Variants in ADAMTS17 observed in about 807,000 individuals in gnomAD.
ADAMTS17 encodes the protein A disintegrin and metalloproteinase with thrombospondin motifs 17.
Under a neutral mutation model 141.5 loss-of-function variants are expected in ADAMTS17, and 113 were observed. That is an observed-to-expected ratio of 0.80 (90% CI 0.69 to 0.93). The LOEUF (loss-of-function observed/expected upper bound fraction) is 0.93. Among genes scored for constraint, ADAMTS17 ranks in the 40% least tolerant of loss-of-function variants. The pLI is 0.00. For synonymous variants in ADAMTS17, 768 were observed against 630.6 expected (o/e 1.22, Z -3.27); for missense variants, 1,659 against 1,517.9 (o/e 1.09, Z -1.54).
chr15:100,137,791 GCCAACA>G (rs1359906345), intron 10 of ADAMTS17, among the ~76,000 whole-genome samples: 1 of 152,278 alleles, frequency 6.6e-6, no homozygotes, highest in Middle Eastern at 3.4e-3. Flanking sequence ...GGCGTTGGTT[GCCAACA>G]CCAACACCCA....
chr15:100,335,021 C>T (rs1002302502), intron 2 of ADAMTS17, among the ~76,000 whole-genome samples: 4 of 152,078 alleles, frequency 2.6e-5, no homozygotes, highest in Admixed American at 1.3e-4. Context: ...ACTACCCATC[C>T]TCCATCGCCT....
intron 18 of ADAMTS17, among the ~76,000 whole-genome samples, chr15:100,013,531 G>A (rs2061227712): frequency 6.6e-6 from 1 of 152,154 alleles, no homozygotes. Context: ...TGTCATAGAT[G>A]GCTTTTACTA....
rs556200724 is a variant in ADAMTS17, at chr15:100,213,800, C to A, written c.1076-14377G>T. On this transcript the variant is annotated intron_variant, in intron 7 of 21. Transcript: ENST00000268070. ...AAGGGGCAGGTTTCTCCTTTGCCCT[C>A]TCCTGCACCTGGGAGCACACGCACT... 7.9e-5 allele frequency among the ~76,000 whole-genome samples: 12 copies of A among 152,358 alleles called. No individual in the cohort carries two copies. In the East Asian group the frequency reaches 2.3e-3, roughly 29 times the overall value.
At chr15:100,008,876 T>A (rs1408765922) in intron 18 of ADAMTS17, among the ~76,000 whole-genome samples, 1 of 152,204 alleles carries the variant, frequency 6.6e-6, no homozygotes, top group Non-Finnish European at 1.5e-5. Context: ...TCTCACTCTG[T>A]CACTCAGTGT....
intron 7 of ADAMTS17, among the ~76,000 whole-genome samples, chr15:100,203,123 T>C (rs916513857): frequency 6.6e-6 from 1 of 152,204 alleles, no homozygotes; most frequent in Admixed American, 6.5e-5. Context: ...TTGGCAGGCA[T>C]GACTGGTCCC....
intron 3 of ADAMTS17, among the ~76,000 whole-genome samples, chr15:100,330,136 G>C (rs1044884855): frequency 6.6e-6 from 1 of 152,128 alleles, no homozygotes; most frequent in Non-Finnish European, 1.5e-5. Flanking sequence ...ATCCACATTA[G>C]GGTTGTTCAA....
At chr15:100,267,441 G>A (rs74471235) in intron 4 of ADAMTS17, among the ~76,000 whole-genome samples, 9,046 of 152,194 alleles carry the variant, frequency 0.059, 347 homozygotes, top group East Asian at 0.12. Flanking sequence ...CTGTGAACAC[G>A]GGTGTACAGA....
chr15:100,228,527 G>T (rs545506375), intron 7 of ADAMTS17, among the ~76,000 whole-genome samples: 1 of 152,186 alleles, frequency 6.6e-6, no homozygotes, highest in East Asian at 1.9e-4. Flanking sequence ...CTGGACCGAG[G>T]AGAAAAGGAA....
At chr15:100,254,618 C>G (rs545648682) in intron 6 of ADAMTS17, among the ~76,000 whole-genome samples, 2 of 152,122 alleles carry the variant, frequency 1.3e-5, no homozygotes, top group African/African-American at 4.8e-5. Flanking sequence ...CACAAGAAGA[C>G]AACAAAAAGT....
intron 8 of ADAMTS17, among the ~76,000 whole-genome samples, chr15:100,198,964 G>A (rs959469440): frequency 5.3e-5 from 8 of 152,208 alleles, no homozygotes; most frequent in African/African-American, 1.9e-4. Flanking sequence ...ACAGTATAAA[G>A]ATGCATCCCA....
intron 8 of ADAMTS17, among the ~76,000 whole-genome samples, chr15:100,182,317 G>T (rs529332089): frequency 6.6e-6 from 1 of 152,142 alleles, no homozygotes; most frequent in Non-Finnish European, 1.5e-5. Context: ...ACTCACTATC[G>T]CAAGAACAGC....
intron 15 of ADAMTS17, among the ~76,000 whole-genome samples, chr15:100,084,861 A>G (rs2034995650): frequency 6.6e-6 from 1 of 152,206 alleles, no homozygotes; most frequent in Non-Finnish European, 1.5e-5. Context: ...ATCATCAAAG[A>G]CCAAAGGTAG....
Position 100,320,690 on chromosome 15 carries a change from G to A in ADAMTS17, c.616+10199C>T, listed in dbSNP as rs975295706. On this transcript the variant is annotated intron_variant, in intron 3 of 21. Coordinates refer to ENST00000268070, the MANE Select transcript of ADAMTS17 (RefSeq NM_139057.4). The stretch of plus-strand genomic sequence containing the variant: ...TCTAAAAATATACTAAAAATTAGCC[G>A]GGTGTGGTGGCGCATGCCTGTAGTC... Among the ~76,000 whole-genome samples the A allele has an allele frequency of 7.2e-5, 11 of 152,116 alleles. 1 individual carries two copies. In the South Asian group the frequency reaches 1.2e-3, roughly 17 times the overall value.
At chr15:100,023,755 T>G (rs1229689869) in intron 18 of ADAMTS17, among the ~76,000 whole-genome samples, 2 of 152,212 alleles carry the variant, frequency 1.3e-5, no homozygotes, top group East Asian at 3.8e-4. Context: ...TCCATGGTTC[T>G]CTATGAAGAA....
chr15:100,018,329 A>C (rs906114611), intron 18 of ADAMTS17, among the ~76,000 whole-genome samples: 5 of 152,242 alleles, frequency 3.3e-5, no homozygotes, highest in African/African-American at 1.2e-4. Flanking sequence ...AAAAGAAAAA[A>C]ATCACTTAAG....
At chr15:99,982,151 G>T (rs2060493598) in intron 20 of ADAMTS17, among the ~76,000 whole-genome samples, 2 of 152,228 alleles carry the variant, frequency 1.3e-5, no homozygotes, top group South Asian at 2.1e-4. Flanking sequence ...AGCCTAGCCG[G>T]GGGTCTCAGA....
At chr15:100,098,910 T>A (rs2141032098) in intron 14 of ADAMTS17, among the ~76,000 whole-genome samples, 1 of 152,310 alleles carries the variant, frequency 6.6e-6, no homozygotes, top group African/African-American at 2.4e-5. Context: ...CACCTGGGCT[T>A]TCTCATCTCA....
intron 7 of ADAMTS17, among the ~76,000 whole-genome samples, chr15:100,233,427 T>G (rs2141857994): frequency 6.6e-6 from 1 of 152,238 alleles, no homozygotes; most frequent in South Asian, 2.1e-4. Flanking sequence ...GAACTGGAAA[T>G]TCCCTAGCAC....
intron 7 of ADAMTS17, among the ~76,000 whole-genome samples, chr15:100,211,699 A>G (rs7178894): frequency 0.17 from 25,749 of 152,212 alleles, 2,397 homozygotes; most frequent in Non-Finnish European, 0.22. Context: ...GAAAAGACAT[A>G]ATGAAGACAT....
Sources: gnomAD v4.1 joint callset for allele counts (sites outside exome capture counted in the v4.1 genomes callset) on GRCh38, gnomAD v4.1.1 for gene constraint, MANE v1.5 for transcripts, NCBI Gene and HGNC (gene_info 2026-07-23, HGNC 2026-07-21) for gene names.